The following SH3BGR variants were observed in gnomAD, a reference collection of about 807,000 sequenced individuals.
The protein encoded by SH3BGR is SH3 domain-binding glutamic acid-rich protein.
SH3BGR carries 29 observed loss-of-function variants against 24.5 expected under a neutral mutation model. That is an observed-to-expected ratio of 1.18 (90% CI 0.88 to 1.61). The LOEUF is 1.61. Among genes scored for constraint, SH3BGR ranks in the 40% most tolerant of loss-of-function variants. The pLI, the probability that SH3BGR is intolerant of heterozygous loss-of-function variation, is 0.00. For missense variants in SH3BGR, 162 were observed against 205.8 expected, an observed-to-expected ratio of 0.79 and a Z score of 1.30; for synonymous variants, 55 against 65.7, an observed-to-expected ratio of 0.84 and a Z score of 0.79.
chr21:39,451,955 G>A (rs745572495), upstream of SH3BGR: 1 of 1,614,134 alleles, frequency 6.2e-7, no homozygotes, highest in African/African-American at 1.3e-5. Context: ...AGTTGGAGCG[G>A]GACTGCCGGA....
At chr21:39,457,756 A>G (rs1186304628) in intron 1 of SH3BGR, among the ~76,000 whole-genome samples, 1 of 151,496 alleles carries the variant, frequency 6.6e-6, no homozygotes, top group Non-Finnish European at 1.5e-5. Flanking sequence ...GCATGGTGAA[A>G]CTCCATCTCT....
intron 3 of SH3BGR, among the ~76,000 whole-genome samples, chr21:39,485,008 T>TA (rs1408013866): frequency 6.6e-6 from 1 of 152,258 alleles, no homozygotes; most frequent in Non-Finnish European, 1.5e-5. Context: ...CGTATCATCA[T>TA]ATGCAGCATC....
At chr21:39,508,096 C>T (rs1225254917) in intron 4 of SH3BGR, among the ~76,000 whole-genome samples, 1 of 152,214 alleles carries the variant, frequency 6.6e-6, no homozygotes, top group Non-Finnish European at 1.5e-5. Context: ...GTGTCCTCAT[C>T]TGTATAAACA....
chr21:39,487,971 G>C (rs1188164954), intron 3 of SH3BGR, among the ~76,000 whole-genome samples: 1 of 152,186 alleles, frequency 6.6e-6, no homozygotes, highest in Non-Finnish European at 1.5e-5. Flanking sequence ...TATGAATTTG[G>C]AGCACAAAAT....
chr21:39,502,118 A>AG (rs2078505178), intron 4 of SH3BGR, among the ~76,000 whole-genome samples: 1 of 152,216 alleles, frequency 6.6e-6, no homozygotes, highest in East Asian at 1.9e-4. Context: ...GTTTGCAGTG[A>AG]GCTGAGATCG....
At chr21:39,462,156 A>C (rs1353605063) in intron 1 of SH3BGR, among the ~76,000 whole-genome samples, 1 of 152,196 alleles carries the variant, frequency 6.6e-6, no homozygotes, top group Non-Finnish European at 1.5e-5. Context: ...GCCTGATTAT[A>C]TAATAATTTA....
chr21:39,456,771 C>T (rs1374631850), intron 1 of SH3BGR, among the ~76,000 whole-genome samples: 1 of 152,124 alleles, frequency 6.6e-6, no homozygotes, highest in Non-Finnish European at 1.5e-5. Flanking sequence ...TCATTCCACA[C>T]CTTTCTGTCT....
chr21:39,503,714 G>A (rs1162707410), intron 4 of SH3BGR, among the ~76,000 whole-genome samples: 2 of 152,168 alleles, frequency 1.3e-5, no homozygotes, highest in Admixed American at 6.5e-5. Context: ...CTTCTTTAAT[G>A]ATATGGACTT....
rs991660494 is a variant in SH3BGR, at chr21:39,515,427, G to A, written c.*374G>A. ...TAGTATTTCTTCAAATGCGCCTTAT[G>A]CTACTTATCTCAGAAACAGGTTTTA... On this transcript the variant is annotated 3_prime_UTR_variant, in exon 7 of 7. Transcript: ENST00000333634. 6.3e-6 allele frequency: 1 copy of A among 157,538 alleles called. No homozygotes were observed. Among genetic ancestry groups the A allele is most frequent in the African/African-American group, 2.4e-5 (1 of 41,484 alleles). The allele number at this position is 157,538 out of a possible 1,614,324, so 9.8% of individuals were successfully genotyped here. A position where few individuals can be genotyped will look rare whatever the true frequency, so the allele number is the denominator to read the frequency against.
rs148261062 is a variant in SH3BGR at position 39,488,085 on chromosome 21, T to C, written c.313-11738T>C. On this transcript the variant is annotated intron_variant, in intron 3 of 6. Coordinates refer to ENST00000333634, the MANE Select transcript of SH3BGR (RefSeq NM_007341.3). ...CACCAATTCATTTAGTCCTGTGTAA[T>C]GAATCCTCATTCCACTGGATCTTGG... Among the ~76,000 whole-genome samples, 24 of 152,350 alleles carry C rather than the reference T, an allele frequency of 1.6e-4. No individual in the cohort carries two copies. In the East Asian group the frequency reaches 4.0e-3, roughly 26 times the overall value.
intron 3 of SH3BGR, among the ~76,000 whole-genome samples, chr21:39,496,538 A>G (rs1395102791): frequency 6.7e-6 from 1 of 149,504 alleles, no homozygotes; most frequent in Admixed American, 6.6e-5. Context: ...AATTATCTTT[A>G]TTTGCATATG....
intron 2 of SH3BGR, among the ~76,000 whole-genome samples, chr21:39,474,389 A>G (rs1372239470): frequency 6.6e-6 from 1 of 152,214 alleles, no homozygotes; most frequent in African/African-American, 2.4e-5. Flanking sequence ...CACTGTTGAA[A>G]TTGCATCAAG....
intron 3 of SH3BGR, among the ~76,000 whole-genome samples, chr21:39,492,802 G>A (rs1015260055): frequency 2.6e-5 from 4 of 151,916 alleles, no homozygotes; most frequent in African/African-American, 9.7e-5. Flanking sequence ...TTGATTTTTT[G>A]ATTATGGCCA....
At chr21:39,473,687 C>A (rs1190048296) in intron 2 of SH3BGR, among the ~76,000 whole-genome samples, 4 of 151,990 alleles carry the variant, frequency 2.6e-5, no homozygotes, top group Admixed American at 2.6e-4. Context: ...GAGTTTGAGA[C>A]CAGCCTGGCC....
intron 3 of SH3BGR, among the ~76,000 whole-genome samples, chr21:39,482,523 GAA>G (rs1192018193): frequency 2.6e-5 from 4 of 152,192 alleles, no homozygotes; most frequent in Admixed American, 2.6e-4. Flanking sequence ...TTACGTAAGA[GAA>G]TGCCCTTGTT....
chr21:39,457,784 C>T (rs531396707), intron 1 of SH3BGR, among the ~76,000 whole-genome samples: 12 of 151,792 alleles, frequency 7.9e-5, no homozygotes, highest in Admixed American at 2.6e-4. Flanking sequence ...ATTAGCCAGA[C>T]GTGGTGGTGT....
At position 39,453,525 on chromosome 21, in the gene SH3BGR, A is replaced by G. The variant is rs73906039; in HGVS notation, c.45+1384A>G. Reference sequence around the variant, plus strand: ...TATATATTCTGTAGACCTGGTCTACATATTCTTCAGAAGACAATCAATAAG... The same window carrying G: ...TATATATTCTGTAGACCTGGTCTACGTATTCTTCAGAAGACAATCAATAAG... On this transcript the variant is annotated intron_variant, in intron 1 of 6. Coordinates refer to ENST00000333634, the MANE Select transcript of SH3BGR (RefSeq NM_007341.3). Among the ~76,000 whole-genome samples the G allele has an allele frequency of 4.9e-3, 741 of 152,304 alleles. 7 individuals carry two copies. Among genetic ancestry groups the G allele is most frequent in the African/African-American group, 0.017 (696 of 41,562 alleles).
At chr21:39,466,043 C>T (rs533884868) in intron 2 of SH3BGR, among the ~76,000 whole-genome samples, 10 of 152,226 alleles carry the variant, frequency 6.6e-5, no homozygotes, top group Admixed American at 3.3e-4. Context: ...TCTTTGTATC[C>T]GGTATGAGTG....
intron 1 of SH3BGR, among the ~76,000 whole-genome samples, chr21:39,457,030 CTG>C (rs1321303466): frequency 2.7e-5 from 4 of 148,524 alleles, no homozygotes; most frequent in South Asian, 4.2e-4. Context: ...TATATATTGA[CTG>C]TCAATTTTGT....
Sources: allele counts gnomAD v4.1 joint callset (sites outside exome capture counted in the v4.1 genomes callset), GRCh38; gene constraint gnomAD v4.1.1; transcripts MANE v1.5; gene names NCBI Gene and HGNC (gene_info 2026-07-23, HGNC 2026-07-21).